Variants in IGLL1 observed in about 807,000 individuals in gnomAD.
The protein encoded by IGLL1 is immunoglobulin lambda-like polypeptide 1.
In IGLL1, 10 loss-of-function variants were observed where a neutral mutation model predicts 10.5. The observed-to-expected ratio is 0.95, with a 90% CI of 0.59 to 1.62. The LOEUF (loss-of-function observed/expected upper bound fraction) is 1.62. Ranked by LOEUF, IGLL1 falls within the 40% of genes most tolerant of loss-of-function variation. The pLI is 0.00. For synonymous variants in IGLL1, 141 were observed against 122.7 expected, an observed-to-expected ratio of 1.15 and a Z score of -0.99; for missense variants, 284 against 278.7, an observed-to-expected ratio of 1.02 and a Z score of -0.14.
chr22:23,574,545 G>C (rs541078618), intron 2 of IGLL1, among the ~76,000 whole-genome samples: 1 of 152,288 alleles, frequency 6.6e-6, no homozygotes, highest in African/African-American at 2.4e-5. Flanking sequence ...GGTGACCCCT[G>C]TGTCCCCAGG....
chr22:23,578,234 T>G (rs1051909122), intron 1 of IGLL1, among the ~76,000 whole-genome samples: 1 of 152,158 alleles, frequency 6.6e-6, no homozygotes, highest in East Asian at 1.9e-4. Context: ...CTTACATTAA[T>G]AGCCCCCCAA....
At chr22:23,575,489 A>G (rs34588733) in intron 1 of IGLL1, among the ~76,000 whole-genome samples, 45,815 of 151,896 alleles carry the variant, frequency 0.3, 11,213 homozygotes, top group African/African-American at 0.68. Flanking sequence ...CTCTGCTTTT[A>G]TATCTACCCA....
In IGLL1 at chr22:23,575,043, G is replaced by C; in HGVS notation, c.246C>G (p.Cys82Trp). 6.2e-7 allele frequency: 1 copy of C among 1,614,066 alleles called. No homozygotes were observed. Among genetic ancestry groups the C allele is most frequent in the Non-Finnish European group, 8.5e-7 (1 of 1,179,962 alleles). ...GCTTGGATTGAAACCCCCGGGGCCA[G>C]CACCTGGGGCCAGTCCAGGAGCCGC... ...LQRGSWTGPRCWPRGFQSKHN... is the reference protein window; with the variant it reads ...LQRGSWTGPRWWPRGFQSKHN... The change falls in exon 2 of 3, where the codon TGC (cysteine) becomes TGG (tryptophan). Residue 82 changes from cysteine (C) to tryptophan (W), a missense_variant. Transcript: ENST00000330377.
Position 23,576,415 on chromosome 22 carries a change from G to A in IGLL1, c.207-1333C>T, listed in dbSNP as rs776900304. Reference sequence around the variant, plus strand: ...ATATTGATCTCTCCCTCTCTCTCCTGCTATGTACAGTCCCATTTCCTTTTA... The same window carrying A: ...ATATTGATCTCTCCCTCTCTCTCCTACTATGTACAGTCCCATTTCCTTTTA... On this transcript the variant is annotated intron_variant, in intron 1 of 2. Coordinates refer to ENST00000330377, the MANE Select transcript of IGLL1 (RefSeq NM_020070.4). 3.5e-5 allele frequency among the ~76,000 whole-genome samples: 5 copies of A among 141,808 alleles called. 1 individual carries two copies. The South Asian group carries it at 8.9e-4, about 25-fold the overall frequency. 93.0% of individuals were successfully genotyped at this position (141,808 alleles called of 152,430 possible). A position where few individuals can be genotyped will look rare whatever the true frequency, so the allele number is the denominator to read the frequency against.
At chr22:23,577,139 G>C (rs1925099057) in intron 1 of IGLL1, among the ~76,000 whole-genome samples, 1 of 152,162 alleles carries the variant, frequency 6.6e-6, no homozygotes, top group Non-Finnish European at 1.5e-5. Context: ...AGGCTAGGTA[G>C]GGTGGCTCAC....
chr22:23,577,397 A>T (rs1925112934), intron 1 of IGLL1, among the ~76,000 whole-genome samples: 1 of 152,162 alleles, frequency 6.6e-6, no homozygotes, highest in Admixed American at 6.5e-5. Context: ...AAAACAAATA[A>T]ATTTACAACT....
chr22:23,575,218 C>T, intron 1 of IGLL1, 136 bp from the exon 2 acceptor site: 1 of 754,286 alleles, frequency 1.3e-6, no homozygotes, highest in Non-Finnish European at 2.5e-6. Context: ...AGGTGCTGCC[C>T]CAGCGTGTGT....
intron 1 of IGLL1, among the ~76,000 whole-genome samples, chr22:23,578,608 G>A (rs1925177868): frequency 6.6e-6 from 1 of 152,144 alleles, no homozygotes; most frequent in Admixed American, 6.5e-5. Context: ...AGCATCCTCT[G>A]GGTGGGTGGG....
In IGLL1 at chr22:23,580,156, G is replaced by C; in HGVS notation, c.35C>G (p.Ala12Gly). The C allele has an allele frequency of 6.5e-7, 1 of 1,549,052 alleles. No individual in the cohort carries two copies. Reference sequence around the variant, plus strand: ...GAGGTTGGGGCCTGGCTCACCAGGGGCCTCAAGGCCCCCCTGGCCTGTCCC... The same window carrying C: ...GAGGTTGGGGCCTGGCTCACCAGGGCCCTCAAGGCCCCCCTGGCCTGTCCC... ...RPGTGQGGLE[A>G]PGEPGPNLRQ... The change falls in exon 1 of 3, where the codon GCC (alanine) becomes GGC (glycine). Residue 12 changes from alanine to glycine, a missense_variant. Ala to Gly is a moderately conservative substitution (Grantham distance 60, BLOSUM62 0). Coordinates refer to ENST00000330377, the MANE Select transcript of IGLL1 (RefSeq NM_020070.4).
chr22:23,575,784 C>G (rs559529541), intron 1 of IGLL1, among the ~76,000 whole-genome samples: 37 of 152,330 alleles, frequency 2.4e-4, no homozygotes, highest in Middle Eastern at 6.8e-3. Flanking sequence ...TCCTCATGGT[C>G]ATGTCCAAGG....
intron 1 of IGLL1, 128 bp from the exon 2 acceptor site, chr22:23,575,210 G>T (rs1407756708): frequency 2.6e-6 from 2 of 775,232 alleles, no homozygotes; most frequent in East Asian, 2.5e-5. Flanking sequence ...TCTGAGGCAG[G>T]TGCTGCCCCA....
Position 23,573,217 on chromosome 22 carries a change from T to C in IGLL1, c.*49A>G. On this transcript the variant is annotated 3_prime_UTR_variant, in exon 3 of 3. Coordinates refer to ENST00000330377, the MANE Select transcript of IGLL1 (RefSeq NM_020070.4). ...GGGATGCAGAGAGAGACCCTTCCCC[T>C]GGGATCCTGCAGCTCCAGGCCCCTT... The C allele has an allele frequency of 6.3e-7, 1 of 1,580,386 alleles. No homozygotes were observed. Among genetic ancestry groups the C allele is most frequent in the African/African-American group, 1.3e-5 (1 of 74,384 alleles).
chr22:23,576,367 A>T (rs1188662463), intron 1 of IGLL1, among the ~76,000 whole-genome samples: 1 of 150,400 alleles, frequency 6.6e-6, no homozygotes. Flanking sequence ...TCCCAAAAAA[A>T]AAAAAAAAAA....
intron 1 of IGLL1, among the ~76,000 whole-genome samples, chr22:23,577,149 C>A (rs751081437): frequency 6.6e-6 from 1 of 152,160 alleles, no homozygotes. Context: ...GGGTGGCTCA[C>A]GTCTGTAATC....
rs187668054 is a variant in IGLL1 at position 23,573,443 on chromosome 22, G to A, written c.465C>T (p.Pro155=). ...TGGTCATCTCCACGCCCTGGGTGAT[G>A]GGGGTACCATCTGCCTTCCAGGTCA... is the stretch of plus-strand genomic sequence containing the variant. ...LTVTWKADGT[P]ITQGVEMTTP... is the part of the protein sequence containing the mutation. The change falls in exon 3 of 3, where the codon CCC becomes CCT. Residue 155 remains proline (P), a synonymous_variant. Transcript: ENST00000330377. 3 of 1,613,920 alleles carry A rather than the reference G, an allele frequency of 1.9e-6. No homozygotes were observed. The highest frequency in any genetic ancestry group is 2.2e-5 in the East Asian group (1 of 44,870).
chr22:23,579,719 T>C (rs137917962), intron 1 of IGLL1, among the ~76,000 whole-genome samples: 1,557 of 151,556 alleles, frequency 0.01, 19 homozygotes, highest in South Asian at 0.019. Flanking sequence ...TAGGGGGAGG[T>C]GAGGGAGACA....
intron 1 of IGLL1, among the ~76,000 whole-genome samples, chr22:23,579,539 C>T (rs1323195230): frequency 4.7e-5 from 7 of 150,414 alleles, no homozygotes; most frequent in Non-Finnish European, 1.0e-4. Context: ...GTGGCCCCTG[C>T]CCAGTGAGGG....
chr22:23,576,596 A>G (rs1925079046), intron 1 of IGLL1, among the ~76,000 whole-genome samples: 1 of 151,814 alleles, frequency 6.6e-6, no homozygotes, highest in Non-Finnish European at 1.5e-5. Context: ...ACACTTGGCT[A>G]ATTTTTTGTA....
Position 23,573,726 on chromosome 22 carries a change from C to T in IGLL1, c.323-141G>A. ...AGGGCCTCTCCTTCCCTCCTCATTCCCTCCTTTCCACTGGAGCCCTCTGGA... is the reference window on the plus strand; with the variant it reads ...AGGGCCTCTCCTTCCCTCCTCATTCTCTCCTTTCCACTGGAGCCCTCTGGA... On this transcript the variant is annotated intron_variant, in intron 2 of 2. Transcript: ENST00000330377. 4 of 671,004 alleles carry T rather than the reference C, an allele frequency of 6.0e-6. No homozygotes were observed. The East Asian group carries it at 8.2e-5, about 14-fold the overall frequency. 41.6% of individuals were successfully genotyped at this position (671,004 alleles called of 1,614,324 possible). A position where few individuals can be genotyped will look rare whatever the true frequency, so the allele number is the denominator to read the frequency against.
Sources: gnomAD v4.1 joint callset for allele counts (sites outside exome capture counted in the v4.1 genomes callset) on GRCh38, gnomAD v4.1.1 for gene constraint, MANE v1.5 for transcripts, NCBI Gene and HGNC (gene_info 2026-07-23, HGNC 2026-07-21) for gene names.